Variants in ERBB4 observed in about 807,000 individuals in gnomAD.
The protein encoded by ERBB4 is erb-b2 receptor tyrosine kinase 4, also known as receptor tyrosine-protein kinase erbB-4.
ERBB4 carries 42 observed loss-of-function variants against 158.0 expected under a neutral mutation model. The ratio of observed to expected loss-of-function variants is 0.27; its 90% CI spans 0.21 to 0.34. The LOEUF (loss-of-function observed/expected upper bound fraction) is 0.34, where lower values mean the gene tolerates loss of function less well. Among genes scored for constraint, ERBB4 ranks in the 10% least tolerant of loss-of-function variants. The pLI, the probability that ERBB4 is intolerant of heterozygous loss-of-function variation, is 1.00. For synonymous variants in ERBB4, 583 were observed against 558.7 expected (o/e 1.04, Z -0.61); for missense variants, 1,333 against 1,624.1 (o/e 0.82, Z 3.08).
intron 20 of ERBB4, among the ~76,000 whole-genome samples, chr2:211,491,198 A>C (rs575704509): frequency 2.4e-4 from 36 of 152,164 alleles, no homozygotes; most frequent in African/African-American, 8.7e-4. Context: ...ATTGTAAGGG[A>C]TTTTTTTCTT....
intron 2 of ERBB4, among the ~76,000 whole-genome samples, chr2:212,069,909 G>A (rs2125443181): frequency 6.6e-6 from 1 of 151,944 alleles, no homozygotes; most frequent in South Asian, 2.1e-4. Flanking sequence ...CTTGAGGCTG[G>A]AAACTTGAGA....
intron 2 of ERBB4, among the ~76,000 whole-genome samples, chr2:212,060,070 T>C (rs891171594): frequency 2.6e-5 from 4 of 152,176 alleles, no homozygotes; most frequent in African/African-American, 9.7e-5. Flanking sequence ...ATCCAGAATC[T>C]ACAAAGAACT....
rs2062523011 is a variant in ERBB4 at position 211,378,695 on chromosome 2, A to T, written c.*4920T>A. 1 of 232,452 alleles carries T rather than the reference A, an allele frequency of 4.3e-6. No homozygotes were observed. Among genetic ancestry groups the T allele is most frequent in the Non-Finnish European group, 8.5e-6 (1 of 117,346 alleles). 14.4% of individuals were successfully genotyped at this position (232,452 alleles called of 1,614,324 possible). A position where few individuals can be genotyped will look rare whatever the true frequency, so the allele number is the denominator to read the frequency against. The stretch of plus-strand genomic sequence containing the variant: ...CCACTGATAATGATCTTTTAAAATT[A>T]TGCCTGATCTCATCTGTATAATATT... On this transcript the variant is annotated 3_prime_UTR_variant, in exon 28 of 28. Transcript: ENST00000342788.
intron 3 of ERBB4, among the ~76,000 whole-genome samples, chr2:211,885,104 T>C (rs2106162440): frequency 6.6e-6 from 1 of 152,332 alleles, no homozygotes; most frequent in South Asian, 2.1e-4. Flanking sequence ...TTTTGTTGAA[T>C]TGATATTTAA....
intron 1 of ERBB4, among the ~76,000 whole-genome samples, chr2:212,434,423 C>A (rs551810401): frequency 6.6e-6 from 1 of 151,760 alleles, no homozygotes; most frequent in Non-Finnish European, 1.5e-5. Flanking sequence ...TGCTAGAATT[C>A]CTATTTTCCC....
intron 5 of ERBB4, among the ~76,000 whole-genome samples, chr2:211,743,838 C>T (rs1199118992): frequency 6.6e-6 from 1 of 152,162 alleles, no homozygotes; most frequent in Non-Finnish European, 1.5e-5. Context: ...GTCACTGCTC[C>T]ACATGTAACG....
At chr2:212,464,974 AAATATTAT>A (rs1282159938) in intron 1 of ERBB4, among the ~76,000 whole-genome samples, 2 of 151,958 alleles carry the variant, frequency 1.3e-5, no homozygotes, top group Non-Finnish European at 2.9e-5. Flanking sequence ...AGACAATCAG[AAATATTAT>A]AATACAACGA....
intron 1 of ERBB4, among the ~76,000 whole-genome samples, chr2:212,248,432 T>A (rs1281947831): frequency 2.0e-5 from 3 of 152,208 alleles, no homozygotes; most frequent in Non-Finnish European, 2.9e-5. Flanking sequence ...GGCATGGCTA[T>A]AATAAACGGC....
At chr2:212,393,350 A>C (rs958557817) in intron 1 of ERBB4, among the ~76,000 whole-genome samples, 11 of 152,066 alleles carry the variant, frequency 7.2e-5, no homozygotes, top group Admixed American at 2.0e-4. Context: ...TCTATCCATA[A>C]AGCAAACTCT....
chr2:211,757,838 G>T (rs556520653), intron 4 of ERBB4, among the ~76,000 whole-genome samples: 1 of 152,254 alleles, frequency 6.6e-6, no homozygotes, highest in Non-Finnish European at 1.5e-5. Context: ...ATTATGAGGG[G>T]ACATGACAGT....
At chr2:212,251,720 A>G (rs2084541545) in intron 1 of ERBB4, among the ~76,000 whole-genome samples, 1 of 152,036 alleles carries the variant, frequency 6.6e-6, no homozygotes, top group Admixed American at 6.6e-5. Flanking sequence ...AATACTTCAG[A>G]AGAAAAGCAA....
intron 4 of ERBB4, among the ~76,000 whole-genome samples, chr2:211,786,877 T>C (rs1270025688): frequency 6.6e-6 from 1 of 152,176 alleles, no homozygotes; most frequent in African/African-American, 2.4e-5. Flanking sequence ...AAAGATTCCA[T>C]TTTTCTCACA....
At chr2:211,820,227 G>C (rs964989165) in intron 3 of ERBB4, among the ~76,000 whole-genome samples, 3 of 151,872 alleles carry the variant, frequency 2.0e-5, no homozygotes, top group Non-Finnish European at 4.4e-5. Flanking sequence ...TTGCTTAACA[G>C]CAGCAACAAC....
chr2:211,554,430 C>T (rs1326676181), intron 20 of ERBB4, among the ~76,000 whole-genome samples: 2 of 152,174 alleles, frequency 1.3e-5, no homozygotes, highest in Admixed American at 6.5e-5. Flanking sequence ...CAATGTTACT[C>T]CAATGCAGCT....
At chr2:211,716,393 A>T (rs2073904405) in intron 7 of ERBB4, among the ~76,000 whole-genome samples, 1 of 110,752 alleles carries the variant, frequency 9.0e-6, no homozygotes, top group Non-Finnish European at 1.9e-5. Context: ...AAAAAAAAAA[A>T]AGGCCGGGCG....
chr2:211,565,454 A>G (rs1039800234), intron 19 of ERBB4, among the ~76,000 whole-genome samples: 1 of 152,234 alleles, frequency 6.6e-6, no homozygotes, highest in African/African-American at 2.4e-5. Flanking sequence ...GGAGTTAAGT[A>G]ACAGAAGAAA....
At chr2:212,396,352 A>T (rs953265284) in intron 1 of ERBB4, among the ~76,000 whole-genome samples, 1 of 152,152 alleles carries the variant, frequency 6.6e-6, no homozygotes, top group Non-Finnish European at 1.5e-5. Flanking sequence ...TTAAGAAGCC[A>T]TATAGTTCAG....
chr2:212,262,532 G>C (rs931722723), intron 1 of ERBB4, among the ~76,000 whole-genome samples: 1 of 152,118 alleles, frequency 6.6e-6, no homozygotes, highest in Non-Finnish European at 1.5e-5. Flanking sequence ...CATAATTTTA[G>C]AAAACCTTAC....
chr2:211,910,886 A>C (rs1324617136), intron 3 of ERBB4, among the ~76,000 whole-genome samples: 21 of 148,108 alleles, frequency 1.4e-4, no homozygotes. Flanking sequence ...ATCCTTCTTA[A>C]AGTAAACTCC....
Sources: allele counts gnomAD v4.1 joint callset (sites outside exome capture counted in the v4.1 genomes callset), GRCh38; gene constraint gnomAD v4.1.1; transcripts MANE v1.5; gene names NCBI Gene and HGNC (gene_info 2026-07-23, HGNC 2026-07-21).